The following CEACAM19 variants were observed in gnomAD, a reference collection of about 807,000 sequenced individuals.
The protein encoded by CEACAM19 is CEA cell adhesion molecule 19.
Under a neutral mutation model 37.6 loss-of-function variants are expected in CEACAM19, and 37 were observed. The observed-to-expected ratio is 0.98, with a 90% CI of 0.76 to 1.29. CEACAM19 has a LOEUF of 1.29. Ranked by LOEUF, CEACAM19 falls within the 50% of genes most tolerant of loss-of-function variation. The pLI is 0.00. For synonymous variants in CEACAM19, 140 were observed against 149.8 expected (o/e 0.93, Z 0.48); for missense variants, 340 against 375.6 (o/e 0.91, Z 0.78).
intron 2 of CEACAM19, among the ~76,000 whole-genome samples, chr19:44,675,929 G>C (rs1195797316): frequency 6.6e-6 from 1 of 151,992 alleles, no homozygotes; most frequent in East Asian, 1.9e-4. Context: ...TTCCATCTGG[G>C]ACATGTTGAA....
chr19:44,681,459 G>C, intron 6 of CEACAM19, 147 bp downstream of exon 6: 1 of 576,918 alleles, frequency 1.7e-6, no homozygotes, highest in Non-Finnish European at 3.1e-6. Context: ...AAAATCCTAA[G>C]GAAAAGAGAC....
intron 1 of CEACAM19, 112 bp from the exon 2 acceptor site, chr19:44,672,484 T>A: frequency 8.6e-7 from 1 of 1,163,634 alleles, no homozygotes; most frequent in Non-Finnish European, 1.2e-6. Flanking sequence ...TTGTTTCCAA[T>A]GAGCAGCACT....
rs1386941387 is a variant in CEACAM19, at chr19:44,681,270, G to C, written c.750G>C (p.Leu250=). The C allele has an allele frequency of 6.2e-7, 1 of 1,613,970 alleles. No homozygotes were observed. ...IYEVMPSPVL[L]VSPISDTRSI... Reference sequence around the variant, plus strand: ...AAGTGATGCCCTCTCCAGTCCTCCTGGTGTCCCCCATCAGTGACACAAGGT... The same window carrying C: ...AAGTGATGCCCTCTCCAGTCCTCCTCGTGTCCCCCATCAGTGACACAAGGT... The change falls in exon 6 of 8, where the codon CTG becomes CTC. Residue 250 remains leucine, a synonymous_variant. Coordinates refer to ENST00000358777, the MANE Select transcript of CEACAM19 (RefSeq NM_001127893.3).
chr19:44,682,207 A>G (rs1367381748), intron 6 of CEACAM19, among the ~76,000 whole-genome samples: 1 of 152,206 alleles, frequency 6.6e-6, no homozygotes, highest in Non-Finnish European at 1.5e-5. Flanking sequence ...TGGTGATTGC[A>G]CAACTGCACT....
upstream of CEACAM19, among the ~76,000 whole-genome samples, chr19:44,667,596 T>TATATATAAATATATATTATATATTTATAA (rs1419488766): frequency 9.1e-4 from 96 of 105,372 alleles, no homozygotes; most frequent in South Asian, 1.5e-3. Context: ...TATATATTTT[T>TATATATAAATATATATTATATATTTATAA]ATATATAAAT....
chr19:44,673,039 C>T (rs1973885667), intron 2 of CEACAM19, 75 bp downstream of exon 2: 43 of 1,238,728 alleles, frequency 3.5e-5, no homozygotes, highest in Non-Finnish European at 4.5e-5. Context: ...AGGTGCTGTG[C>T]AAACACCATT....
In CEACAM19 at chr19:44,672,851, A is replaced by G. The variant is rs370043320; in HGVS notation, c.311A>G (p.Asn104Ser). 4 of 1,600,862 alleles carry G rather than the reference A, an allele frequency of 2.5e-6. No individual in the cohort carries two copies. The highest frequency in any genetic ancestry group is 2.3e-5 in the East Asian group (1 of 44,102). The change falls in exon 2 of 8, where the codon AAT becomes AGT. Residue 104 changes from asparagine (N) to serine (S), a missense_variant. Asn to Ser is a conservative substitution (Grantham distance 46). Transcript: ENST00000358777. ...CAGCGAGACATCGTGGGCTTCCCCA[A>G]TGGTTCCATGCTGCTGCGCCGCGCC... ...MGQRDIVGFP[N>S]GSMLLRRAQP...
intron 2 of CEACAM19, among the ~76,000 whole-genome samples, chr19:44,675,106 G>A (rs930156187): frequency 1.5e-3 from 222 of 149,384 alleles, no homozygotes; most frequent in African/African-American, 5.1e-3. Flanking sequence ...GCGTGTGTGT[G>A]TGTGTGTGTG....
chr19:44,683,424 T>C lies in CEACAM19; in HGVS notation c.847-13T>C, dbSNP rs1453467975. The C allele has an allele frequency of 1.3e-6, 2 of 1,482,868 alleles. No individual in the cohort carries two copies. Among genetic ancestry groups the C allele is most frequent in the Non-Finnish European group, 1.8e-6 (2 of 1,094,654 alleles). The allele number at this position is 1,482,868 out of a possible 1,614,324, so 91.9% of individuals were successfully genotyped here. Reference sequence around the variant, plus strand: ...ACCCAGTCATAATTCTGTTCTCTCTTCCCCCCAAGCAGGACCTGCTAAACC... The same window carrying C: ...ACCCAGTCATAATTCTGTTCTCTCTCCCCCCCAAGCAGGACCTGCTAAACC... On this transcript the variant is annotated splice_polypyrimidine_tract_variant and intron_variant, in intron 7 of 7. Transcript: ENST00000358777.
At chr19:44,682,511 A>G in intron 6 of CEACAM19, 56 bp from the exon 7 acceptor site, 1 of 1,531,314 alleles carries the variant, frequency 6.5e-7, no homozygotes, top group South Asian at 1.2e-5. Context: ...CCAAAGGTCA[A>G]AGTTTAGAGG....
In CEACAM19 at chr19:44,683,946, C is replaced by T. The variant is rs1334673686; in HGVS notation, c.*456C>T. 1 of 154,740 alleles carries T rather than the reference C, an allele frequency of 6.5e-6. No individual in the cohort carries two copies. The highest frequency in any genetic ancestry group is 1.4e-5 in the Non-Finnish European group (1 of 69,860). The allele number at this position is 154,740 out of a possible 1,614,324, so 9.6% of individuals were successfully genotyped here. On this transcript the variant is annotated 3_prime_UTR_variant, in exon 8 of 8. Transcript: ENST00000358777. ...CCTTAGGACAAGGCAGACACCCCAC[C>T]ATGCGGGCCTCAGGTGGCAGAGAGG...
chr19:44,668,647 G>T (rs1219791370), upstream of CEACAM19, among the ~76,000 whole-genome samples: 8 of 59,694 alleles, frequency 1.3e-4, no homozygotes, highest in East Asian at 4.4e-4. Flanking sequence ...TATTATATAT[G>T]TATATAATTA....
rs568114294 is a variant in CEACAM19 at position 44,683,442 on chromosome 19, G to C, written c.852G>C (p.Leu284=). The part of the protein sequence containing the change: ...AEPENHQYQD[L]LNPDPAPYCQ... ...TCTCTCTTCCCCCCAAGCAGGACCTGCTAAACCCCGACCCTGCCCCCTACT... is the reference window on the plus strand; with the variant it reads ...TCTCTCTTCCCCCCAAGCAGGACCTCCTAAACCCCGACCCTGCCCCCTACT... The change falls in exon 8 of 8, where the codon CTG becomes CTC. Residue 284 remains leucine, a synonymous_variant. Coordinates refer to ENST00000358777, the MANE Select transcript of CEACAM19 (RefSeq NM_001127893.3). 2 of 1,555,688 alleles carry C rather than the reference G, an allele frequency of 1.3e-6. No homozygotes were observed. Among genetic ancestry groups the C allele is most frequent in the Non-Finnish European group, 1.7e-6 (2 of 1,146,664 alleles).
chr19:44,682,900 G>A, intron 7 of CEACAM19: 1 of 393,294 alleles, frequency 2.5e-6, no homozygotes, highest in Non-Finnish European at 4.6e-6. Flanking sequence ...ACAGGGGATT[G>A]CCTGGGGCCA....
chr19:44,683,498 TG>T lies in CEACAM19; in HGVS notation c.*11del. 6.5e-7 allele frequency: 1 copy of T among 1,537,504 alleles called. No homozygotes were observed. The highest frequency in any genetic ancestry group is 1.4e-5 in the African/African-American group (1 of 72,974). ...CTGGTGCCAACTTCCTGATGGGTCCTGGGCCAGGCCAGCCAGGGAGAAGACA... is the reference window on the plus strand; with the variant it reads ...CTGGTGCCAACTTCCTGATGGGTCCTGGCCAGGCCAGCCAGGGAGAAGACA... On this transcript the variant is annotated 3_prime_UTR_variant, in exon 8 of 8. Coordinates refer to ENST00000358777, the MANE Select transcript of CEACAM19 (RefSeq NM_001127893.3).
At chr19:44,680,889 C>T (rs976959518) in intron 5 of CEACAM19, among the ~76,000 whole-genome samples, 9 of 152,126 alleles carry the variant, frequency 5.9e-5, no homozygotes, top group Non-Finnish European at 1.5e-5. Flanking sequence ...TCTCTACTAT[C>T]TCAGATGCCC....
In CEACAM19 at chr19:44,683,703, G is replaced by T; in HGVS notation, c.*213G>T. 1 of 406,918 alleles carries T rather than the reference G, an allele frequency of 2.5e-6. No homozygotes were observed. Among genetic ancestry groups the T allele is most frequent in the Non-Finnish European group, 4.4e-6 (1 of 229,570 alleles). 25.2% of individuals were successfully genotyped at this position (406,918 alleles called of 1,614,324 possible). A position where few individuals can be genotyped will look rare whatever the true frequency, so the allele number is the denominator to read the frequency against. On this transcript the variant is annotated 3_prime_UTR_variant, in exon 8 of 8. Coordinates refer to ENST00000358777, the MANE Select transcript of CEACAM19 (RefSeq NM_001127893.3). ...GTCCTTGTGCAGCCCGTGAATGCAC[G>T]CCCGCCTTCGGTCTGTTCCTTCAAG...
Position 44,672,710 on chromosome 19 carries a change from C to T in CEACAM19, c.170C>T (p.Pro57Leu), listed in dbSNP as rs779736999. 6 of 1,580,360 alleles carry T rather than the reference C, an allele frequency of 3.8e-6. No homozygotes were observed. The African/African-American group carries it at 6.8e-5, about 18-fold the overall frequency. ...QDLLLSVQGV[P>L]DTFQDFNWYL... The stretch of plus-strand genomic sequence containing the variant: ...CTTCTCCTGTCAGTCCAGGGTGTCC[C>T]AGACACCTTCCAGGACTTCAACTGG... Residue 57 changes from proline (P) to leucine (L), a missense_variant, in exon 2 of 8, where the codon CCA becomes CTA. Physicochemically the swap from Pro to Leu is moderately conservative, Grantham distance 98. Transcript: ENST00000358777.
upstream of CEACAM19, chr19:44,667,314 A>T (rs938160734): frequency 6.6e-6 from 1 of 151,150 alleles, no homozygotes; most frequent in Non-Finnish European, 1.5e-5. Flanking sequence ...CCTGCCTCAG[A>T]TCCCTAGGTC....
Sources: allele counts gnomAD v4.1 joint callset (sites outside exome capture counted in the v4.1 genomes callset), GRCh38; gene constraint gnomAD v4.1.1; transcripts MANE v1.5; gene names NCBI Gene and HGNC (gene_info 2026-07-23, HGNC 2026-07-21).